The following PPIF variants were observed in gnomAD, a reference collection of about 807,000 sequenced individuals.
PPIF encodes the protein peptidylprolyl isomerase F.
Under a neutral mutation model 20.2 loss-of-function variants are expected in PPIF, and 23 were observed. The observed-to-expected ratio is 1.14, with a 90% confidence interval of 0.82 to 1.61. PPIF has a LOEUF of 1.61. PPIF is among the 40% of genes most tolerant of loss of function. PPIF has a pLI of 0.00. For synonymous variants in PPIF, 113 were observed against 123.1 expected (o/e 0.92, Z 0.54); for missense variants, 287 against 291.6 (o/e 0.98, Z 0.11).
intron 5 of PPIF, among the ~76,000 whole-genome samples, chr10:79,353,121 C>T (rs182928633): frequency 3.0e-4 from 45 of 152,348 alleles, no homozygotes; most frequent in African/African-American, 1.1e-3. Context: ...GAGATGTGGC[C>T]GGCAGGGCTG....
intron 2 of PPIF, 135 bp downstream of exon 2, chr10:79,349,241 A>G: frequency 6.3e-7 from 1 of 1,583,916 alleles, no homozygotes; most frequent in East Asian, 2.3e-5. Context: ...TGGCTCAGCC[A>G]TTGGGTGCTC....
In PPIF at chr10:79,355,304, C is replaced by T. The variant is rs1441780165; in HGVS notation, c.*1462C>T. On this transcript the variant is annotated 3_prime_UTR_variant, in exon 6 of 6. Transcript: ENST00000225174. ...ATGCTTCCTGTACATCCTGCAGAAC[C>T]ATAAGCCAATTAAACCTTTTTAATA... 1 of 152,196 alleles carries T rather than the reference C, an allele frequency of 6.6e-6. No homozygotes were observed. Among genetic ancestry groups the T allele is most frequent in the Non-Finnish European group, 1.5e-5 (1 of 68,038 alleles). The allele number at this position is 152,196 out of a possible 1,614,324, so 9.4% of individuals were successfully genotyped here.
At chr10:79,351,660 G>A in intron 4 of PPIF, 77 bp downstream of exon 4, 2 of 1,332,362 alleles carry the variant, frequency 1.5e-6, no homozygotes, top group East Asian at 4.7e-5. Flanking sequence ...GCCCTGAGAG[G>A]CCACATGCAG....
chr10:79,352,623 A>T (rs2132153271), intron 5 of PPIF, among the ~76,000 whole-genome samples: 1 of 152,334 alleles, frequency 6.6e-6, no homozygotes, highest in African/African-American at 2.4e-5. Context: ...TGTTGCTGTC[A>T]CCTGGAATTT....
At chr10:79,349,641 C>T in intron 2 of PPIF, 24 bp from the exon 3 acceptor site, 1 of 1,612,532 alleles carries the variant, frequency 6.2e-7, no homozygotes, top group Non-Finnish European at 8.5e-7. Context: ...GCCCTGTTGA[C>T]CTGTGTTTCT....
Position 79,349,975 on chromosome 10 carries a change from G to A in PPIF, c.315+222G>A, listed in dbSNP as rs1855959550. On this transcript the variant is annotated intron_variant, in intron 3 of 5. Transcript: ENST00000225174. ...GGTCAGTGGCAGGCCCTGCCCGGGG[G>A]ACTGGGAGGTGGAGTCTATCAAGAG... is the stretch of plus-strand genomic sequence containing the variant. 4.1e-6 allele frequency: 4 copies of A among 975,100 alleles called. No homozygotes were observed. In the East Asian group the frequency reaches 8.6e-5, roughly 21 times the overall value. The allele number at this position is 975,100 out of a possible 1,614,324, so 60.4% of individuals were successfully genotyped here.
Position 79,351,512 on chromosome 10 carries a change from G to A in PPIF, c.341G>A (p.Gly114Asp). Residue 114 changes from glycine (G) to aspartate (D), a missense_variant, in exon 4 of 6, where the codon GGC becomes GAC. Gly to Asp is a moderately conservative substitution (Grantham distance 94). Transcript: ENST00000225174. ...CQAGDFTNHN[G>D]TGGKSIYGSR... ...GCGGGCGACTTCACCAACCACAATG[G>A]CACAGGCGGGAAGTCCATCTACGGA... 1 of 1,614,040 alleles carries A rather than the reference G, an allele frequency of 6.2e-7. No individual in the cohort carries two copies. Among genetic ancestry groups the A allele is most frequent in the Non-Finnish European group, 8.5e-7 (1 of 1,179,962 alleles).
intron 4 of PPIF, 109 bp downstream of exon 4, chr10:79,351,692 G>A: frequency 7.3e-6 from 7 of 961,382 alleles, no homozygotes; most frequent in South Asian, 1.5e-5. Context: ...TATCTGATGA[G>A]TCTCCTTCCT....
In PPIF at chr10:79,351,676, G is replaced by A. The variant is rs1464908005; in HGVS notation, c.412+93G>A. 15 of 1,147,916 alleles carry A rather than the reference G, an allele frequency of 1.3e-5. 1 individual carries two copies. The highest frequency in any genetic ancestry group is 4.1e-5 in the South Asian group (3 of 73,482). 71.1% of individuals were successfully genotyped at this position (1,147,916 alleles called of 1,614,324 possible). ...CCCTGAGAGGCCACATGCAGTCACC[G>A]TCCAGTATCTGATGAGTCTCCTTCC... is the stretch of plus-strand genomic sequence containing the variant. On this transcript the variant is annotated intron_variant, in intron 4 of 5. Transcript: ENST00000225174.
rs1424294979 is a variant in PPIF, at chr10:79,353,852, AG to A, written c.*13del. The A allele has an allele frequency of 1.2e-6, 2 of 1,613,662 alleles. No individual in the cohort carries two copies. The highest frequency in any genetic ancestry group is 1.7e-6 in the Non-Finnish European group (2 of 1,179,764). On this transcript the variant is annotated 3_prime_UTR_variant, in exon 6 of 6. Transcript: ENST00000225174. ...TGGCCAGTTGAGCTAATCTGTGGCC[AG>A]GGTGCTGGCATGGTGGCAGCTGCAA... is the stretch of plus-strand genomic sequence containing the variant.
At position 79,353,949 on chromosome 10, in the gene PPIF, C is replaced by T. The variant is rs2230225; in HGVS notation, c.*107C>T. The T allele has an allele frequency of 3.2e-3, 4,129 of 1,271,144 alleles. 124 individuals are homozygous for T. The African/African-American group carries it at 0.055, about 17-fold the overall frequency. The allele number at this position is 1,271,144 out of a possible 1,614,324, so 78.7% of individuals were successfully genotyped here. On this transcript the variant is annotated 3_prime_UTR_variant, in exon 6 of 6. Transcript: ENST00000225174. Reference sequence around the variant, plus strand: ...CCTGAAACGATACGTGTGCCCACTCCACTGTCACAGTGTGCCTGAGGAAGG... The same window carrying T: ...CCTGAAACGATACGTGTGCCCACTCTACTGTCACAGTGTGCCTGAGGAAGG...
At chr10:79,347,966 G>A (rs978809423) in intron 1 of PPIF, among the ~76,000 whole-genome samples, 14 of 152,006 alleles carry the variant, frequency 9.2e-5, no homozygotes, top group African/African-American at 3.4e-4. Flanking sequence ...CACGTGTGGA[G>A]GAGAAAGCTC....
rs1378457595 is a variant in PPIF at position 79,352,357 on chromosome 10, C to T, written c.453C>T (p.Gly151=). 6.2e-6 allele frequency: 10 copies of T among 1,614,212 alleles called. No individual in the cohort carries two copies. In the South Asian group the frequency reaches 1.1e-4, roughly 18 times the overall value. Residue 151 remains glycine (G), a synonymous_variant, in exon 5 of 6, where the codon GGC becomes GGT. Coordinates refer to ENST00000225174, the MANE Select transcript of PPIF (RefSeq NM_005729.4). ...SMANAGPNTN[G]SQFFICTIKT... is the part of the protein sequence containing the mutation. ...CTAATGCTGGTCCTAACACCAACGG[C>T]TCCCAGTTCTTCATCTGCACCATAA...
Position 79,349,087 on chromosome 10 carries a change from TGTC to T in PPIF, c.211_213del (p.Val71del), listed in dbSNP as rs562166394. 2 of 1,614,014 alleles carry T rather than the reference TGTC, an allele frequency of 1.2e-6. No homozygotes were observed. The highest frequency in any genetic ancestry group is 4.5e-5 in the East Asian group (2 of 44,888). Reference sequence around the variant, plus strand: ...TTCTCCCCCAACAGCTGAAGGCAGATGTCGTCCCAAAGACAGCTGGTAAGACAG... The same window carrying T: ...TTCTCCCCCAACAGCTGAAGGCAGATGTCCCAAAGACAGCTGGTAAGACAG... On this transcript the variant is annotated inframe_deletion, in exon 2 of 6. Coordinates refer to ENST00000225174, the MANE Select transcript of PPIF (RefSeq NM_005729.4).
At position 79,351,493 on chromosome 10, in the gene PPIF, G is replaced by A. The variant is rs1441764656; in HGVS notation, c.322G>A (p.Asp108Asn). Residue 108 changes from aspartate to asparagine, a missense_variant, in exon 4 of 6, where the codon GAC (aspartate) becomes AAC (asparagine). By Grantham distance (23) the Asp-to-Asn change is conservative (BLOSUM62 1). Coordinates refer to ENST00000225174, the MANE Select transcript of PPIF (RefSeq NM_005729.4). ...AGGTGCTTTGTGCTCACAGGCGGGC[G>A]ACTTCACCAACCACAATGGCACAGG... is the stretch of plus-strand genomic sequence containing the variant. ...VIPSFMCQAG[D>N]FTNHNGTGGK... 5 of 1,613,728 alleles carry A rather than the reference G, an allele frequency of 3.1e-6. No individual in the cohort carries two copies. Among genetic ancestry groups the A allele is most frequent in the East Asian group, 2.2e-5 (1 of 44,888 alleles).
intron 3 of PPIF, 121 bp from the exon 4 acceptor site, chr10:79,351,366 C>T (rs1855979783): frequency 7.7e-6 from 5 of 653,204 alleles, no homozygotes; most frequent in Non-Finnish European, 1.3e-5. Flanking sequence ...TGTTTATTGA[C>T]CCCTTTACCT....
intron 3 of PPIF, 116 bp from the exon 4 acceptor site, chr10:79,351,371 T>G: frequency 1.3e-6 from 1 of 749,268 alleles, no homozygotes; most frequent in Non-Finnish European, 2.2e-6. Context: ...ATTGACCCCT[T>G]TACCTGAGGG....
rs144470581 is a variant in PPIF, at chr10:79,351,574, G to A, written c.403G>A (p.Val135Met). Residue 135 changes from valine (V) to methionine (M), a missense_variant, in exon 4 of 6, where the codon GTG becomes ATG. Coordinates refer to ENST00000225174, the MANE Select transcript of PPIF (RefSeq NM_005729.4). Reference sequence around the variant, plus strand: ...TGACGAGAACTTTACACTGAAGCACGTGGGGCCAGGTGAGTGGGGGCCTCC... The same window carrying A: ...TGACGAGAACTTTACACTGAAGCACATGGGGCCAGGTGAGTGGGGGCCTCC... ...FPDENFTLKH[V>M]GPGVLSMANA... is the part of the protein sequence containing the mutation. 62 of 1,613,792 alleles carry A rather than the reference G, an allele frequency of 3.8e-5. No individual in the cohort carries two copies. Among genetic ancestry groups the A allele is most frequent in the South Asian group, 8.8e-5 (8 of 91,082 alleles).
At chr10:79,353,549 C>T in intron 5 of PPIF, 158 bp from the exon 6 acceptor site, 1 of 1,346,382 alleles carries the variant, frequency 7.4e-7, no homozygotes, top group Non-Finnish European at 1.0e-6. Context: ...ATTTGGGGCG[C>T]TCAACAAGGC....
Sources: gnomAD v4.1 joint callset for allele counts (sites outside exome capture counted in the v4.1 genomes callset) on GRCh38, gnomAD v4.1.1 for gene constraint, MANE v1.5 for transcripts, NCBI Gene and HGNC (gene_info 2026-07-23, HGNC 2026-07-21) for gene names.